VSNL1: variants seen among roughly 807,000 people sequenced by gnomAD.
VSNL1 encodes visinin like 1, also known as visinin-like protein 1.
In VSNL1, 6 loss-of-function variants were observed where a neutral mutation model predicts 20.4. The ratio of observed to expected loss-of-function variants is 0.29; its 90% CI spans 0.16 to 0.58. The LOEUF (loss-of-function observed/expected upper bound fraction) is 0.58, where lower values mean the gene tolerates loss of function less well. Among genes scored for constraint, VSNL1 ranks in the 20% least tolerant of loss-of-function variants. The pLI, the probability that VSNL1 is intolerant of heterozygous loss-of-function variation, is 0.90. For missense variants in VSNL1, 100 were observed against 234.5 expected (o/e 0.43, Z 3.75); for synonymous variants, 93 against 86.4 (o/e 1.08, Z -0.42).
chr2:17,651,461 C>T (rs146672416), intron 3 of VSNL1, among the ~76,000 whole-genome samples: 208 of 152,312 alleles, frequency 1.4e-3, no homozygotes, highest in African/African-American at 4.7e-3. Flanking sequence ...ATGCTCTTAA[C>T]GGGTGAAGAA....
intron 2 of VSNL1, among the ~76,000 whole-genome samples, chr2:17,629,145 C>T (rs1665577325): frequency 6.6e-6 from 1 of 152,196 alleles, no homozygotes; most frequent in African/African-American, 2.4e-5. Context: ...CTGTCTCCAC[C>T]CACACCCAGA....
intron 1 of VSNL1, among the ~76,000 whole-genome samples, chr2:17,585,596 G>A (rs1265343927): frequency 6.6e-6 from 1 of 151,468 alleles, no homozygotes; most frequent in East Asian, 2.0e-4. Flanking sequence ...GCATGCTGTG[G>A]GGGTGGGGAG....
chr2:17,623,541 G>C (rs557695087), intron 2 of VSNL1, among the ~76,000 whole-genome samples: 2 of 151,940 alleles, frequency 1.3e-5, no homozygotes, highest in Non-Finnish European at 2.9e-5. Flanking sequence ...GTGGTGGCAG[G>C]TGCCTGTAGT....
chr2:17,636,747 T>C (rs1393297194), intron 2 of VSNL1, among the ~76,000 whole-genome samples: 5 of 152,130 alleles, frequency 3.3e-5, no homozygotes, highest in East Asian at 1.9e-4. Flanking sequence ...CTTTGTAATA[T>C]GGCTATTAGA....
Position 17,553,923 on chromosome 2 carries a change from T to C in VSNL1, c.-6+13005T>C, listed in dbSNP as rs536215085. Among the ~76,000 whole-genome samples the C allele has an allele frequency of 2.6e-5, 4 of 152,314 alleles. No individual in the cohort carries two copies. The South Asian group carries it at 8.3e-4, about 32-fold the overall frequency. ...CTGTCCTCAATTCAAGAGCTCTTAA[T>C]TTAAATTGAGAAGTTAAATAAATTC... On this transcript the variant is annotated intron_variant, in intron 1 of 3. Transcript: ENST00000295156.
intron 1 of VSNL1, among the ~76,000 whole-genome samples, chr2:17,591,548 G>GA (rs1193220276): frequency 6.6e-6 from 1 of 152,072 alleles, no homozygotes; most frequent in African/African-American, 2.4e-5. Context: ...TTTTATTGGG[G>GA]AAAAAAGCTC....
chr2:17,592,269 T>TA, intron 2 of VSNL1, 33 bp downstream of exon 2: 4 of 1,609,076 alleles, frequency 2.5e-6, no homozygotes, highest in Non-Finnish European at 3.4e-6. Flanking sequence ...TTTTATTCCT[T>TA]AGGCCAGAAA....
At chr2:17,644,196 C>A (rs1227819462) in intron 2 of VSNL1, among the ~76,000 whole-genome samples, 1 of 152,174 alleles carries the variant, frequency 6.6e-6, no homozygotes, top group Non-Finnish European at 1.5e-5. Context: ...AAGCCAAAAC[C>A]AAATATCAAA....
intron 2 of VSNL1, among the ~76,000 whole-genome samples, chr2:17,614,026 GA>G (rs537023068): frequency 8.5e-5 from 13 of 152,214 alleles, no homozygotes; most frequent in Non-Finnish European, 1.6e-4. Context: ...CACGCATGGG[GA>G]GGTGGCTGGT....
chr2:17,560,007 T>C (rs922318377), intron 1 of VSNL1, among the ~76,000 whole-genome samples: 8 of 151,872 alleles, frequency 5.3e-5, no homozygotes, highest in Non-Finnish European at 1.2e-4. Flanking sequence ...ACAAAAAAAG[T>C]AGCCTTTTCT....
chr2:17,615,044 C>T (rs1054808429), intron 2 of VSNL1, among the ~76,000 whole-genome samples: 1 of 152,218 alleles, frequency 6.6e-6, no homozygotes, highest in Non-Finnish European at 1.5e-5. Flanking sequence ...AATATCTTCA[C>T]CTTTCTTAAC....
intron 1 of VSNL1, among the ~76,000 whole-genome samples, chr2:17,586,054 C>T (rs1664466439): frequency 6.6e-6 from 1 of 152,066 alleles, no homozygotes; most frequent in South Asian, 2.1e-4. Context: ...GGTGATCTGC[C>T]CACCTCAGCC....
chr2:17,569,814 A>G (rs1664039508), intron 1 of VSNL1, among the ~76,000 whole-genome samples: 1 of 152,238 alleles, frequency 6.6e-6, no homozygotes, highest in Admixed American at 6.5e-5. Flanking sequence ...TACTGAAAAC[A>G]GGTAATGAAA....
intron 3 of VSNL1, among the ~76,000 whole-genome samples, chr2:17,651,850 G>C (rs1190988237): frequency 6.6e-6 from 1 of 152,160 alleles, no homozygotes; most frequent in Non-Finnish European, 1.5e-5. Context: ...TTGGTTCCTG[G>C]ACATTATGAA....
At chr2:17,627,220 T>C (rs1665532865) in intron 2 of VSNL1, among the ~76,000 whole-genome samples, 1 of 152,228 alleles carries the variant, frequency 6.6e-6, no homozygotes, top group African/African-American at 2.4e-5. Context: ...CATAGCAATC[T>C]GTCATTGCTT....
intron 1 of VSNL1, among the ~76,000 whole-genome samples, chr2:17,560,871 A>G (rs1663797222): frequency 6.6e-6 from 1 of 152,174 alleles, no homozygotes. Context: ...CATAACTGAG[A>G]TTCAGATTGC....
intron 2 of VSNL1, among the ~76,000 whole-genome samples, chr2:17,632,986 T>TCTTA (rs1476236496): frequency 1.3e-5 from 2 of 152,170 alleles, no homozygotes; most frequent in Non-Finnish European, 2.9e-5. Context: ...AAACCCTGTT[T>TCTTA]CTTAGTCTGT....
chr2:17,633,311 A>G (rs1237224545), intron 2 of VSNL1, among the ~76,000 whole-genome samples: 1 of 146,736 alleles, frequency 6.8e-6, no homozygotes, highest in African/African-American at 2.5e-5. Context: ...GGGTGGAGAC[A>G]CAGCCAAACC....
At chr2:17,546,377 T>C (rs1294236015) in intron 1 of VSNL1, among the ~76,000 whole-genome samples, 1 of 151,642 alleles carries the variant, frequency 6.6e-6, no homozygotes, top group African/African-American at 2.4e-5. Context: ...TGAAAGACTA[T>C]GAACTTTTGA....
Sources: gnomAD v4.1 joint callset for allele counts (sites outside exome capture counted in the v4.1 genomes callset) on GRCh38, gnomAD v4.1.1 for gene constraint, MANE v1.5 for transcripts, NCBI Gene and HGNC (gene_info 2026-07-23, HGNC 2026-07-21) for gene names.